Variants in BEND5 observed in about 807,000 individuals in gnomAD.
BEND5 encodes the protein BEN domain containing 5.
Under a neutral mutation model 43.9 loss-of-function variants are expected in BEND5, and 22 were observed. The observed-to-expected ratio is 0.50, with a 90% CI of 0.36 to 0.72. The LOEUF is 0.72. Ranked by LOEUF, BEND5 falls within the 30% of genes least tolerant of loss-of-function variation. The probability of loss-of-function intolerance (pLI) is 0.00; values close to 1 mark genes in which losing one functional copy is unlikely to be tolerated. For synonymous variants in BEND5, 228 were observed against 225.9 expected (o/e 1.01, Z -0.08); for missense variants, 428 against 550.6 (o/e 0.78, Z 2.23).
rs747657670 is a variant in BEND5, at chr1:48,758,956, T to A, written c.689A>T (p.Glu230Val). ...EYGALVSEMK[E>V]LRDLNRRLQD... The stretch of plus-strand genomic sequence containing the variant: ...GAGCCTCCGGTTAAGGTCACGGAGC[T>A]CCTTCATTTCAGACACAAGTGCCCC... The change falls in exon 3 of 6, where the codon GAG (glutamate) becomes GTG (valine). Residue 230 changes from glutamate (E) to valine (V), a missense_variant. Physicochemically the swap from Glu to Val is moderately radical, Grantham distance 121 (BLOSUM62 -2). Around this residue, in one of 4 missense-constraint regions of BEND5, gnomAD observed 243 missense variants for 286.4 expected, o/e 0.85. Coordinates refer to ENST00000371833, the MANE Select transcript of BEND5 (RefSeq NM_024603.4). 2.4e-5 allele frequency: 39 copies of A among 1,600,354 alleles called. No individual in the cohort carries two copies. The highest frequency in any genetic ancestry group is 2.3e-4 in the Admixed American group (13 of 57,592).
intron 3 of BEND5, 34 bp from the exon 4 acceptor site, chr1:48,742,805 T>G (rs768089452): frequency 6.8e-7 from 1 of 1,474,894 alleles, no homozygotes. Flanking sequence ...TGTCTAGAAC[T>G]CCAAGGAAAA....
At chr1:48,733,472 T>C (rs763633725) in intron 5 of BEND5, among the ~76,000 whole-genome samples, 1 of 152,322 alleles carries the variant, frequency 6.6e-6, no homozygotes, top group South Asian at 2.1e-4. Context: ...ATCTCTTTGA[T>C]TGATGCGAAC....
intron 4 of BEND5, among the ~76,000 whole-genome samples, chr1:48,737,890 C>T (rs1017222736): frequency 3.9e-5 from 6 of 152,086 alleles, no homozygotes; most frequent in African/African-American, 1.2e-4. Flanking sequence ...GCGGCAGCTG[C>T]TAATGAGCTA....
chr1:48,761,549 A>C, intron 1 of BEND5, 79 bp from the exon 2 acceptor site: 1 of 1,393,926 alleles, frequency 7.2e-7, no homozygotes, highest in Non-Finnish European at 9.6e-7. Context: ...CAAAACCTCA[A>C]ATGCTAGAAA....
chr1:48,736,487 C>T lies in BEND5; in HGVS notation c.895-35G>A. 6.3e-7 allele frequency: 1 copy of T among 1,583,164 alleles called. No individual in the cohort carries two copies. The highest frequency in any genetic ancestry group is 8.7e-7 in the Non-Finnish European group (1 of 1,153,046). ...ATAAGAACACCAGCACCTGTTTAGT[C>T]CGACAGGAGGGCAGTGGGAGGCTTC... On this transcript the variant is annotated intron_variant, in intron 4 of 5. Transcript: ENST00000371833. This position sits in a 1 kb window ranked among gnomAD's most constrained non-coding sequence, Gnocchi z 4.0.
At chr1:48,760,624 A>G (rs1644208179) in intron 2 of BEND5, among the ~76,000 whole-genome samples, 1 of 152,230 alleles carries the variant, frequency 6.6e-6, no homozygotes, top group Non-Finnish European at 1.5e-5. Context: ...CCAGGCGCAT[A>G]GCAGGAGTAC....
At chr1:48,733,131 G>C (rs763637427) in intron 5 of BEND5, among the ~76,000 whole-genome samples, 12 of 152,154 alleles carry the variant, frequency 7.9e-5, no homozygotes, top group Non-Finnish European at 7.3e-5. Context: ...GCCTGCATGT[G>C]AAAGAAGGGA....
intron 3 of BEND5, among the ~76,000 whole-genome samples, chr1:48,743,659 CCT>C (rs1411444255): frequency 2.0e-5 from 3 of 152,206 alleles, no homozygotes; most frequent in African/African-American, 7.2e-5. Flanking sequence ...ACAGCAGCTC[CCT>C]CTGTCTGTGC....
intron 2 of BEND5, 113 bp downstream of exon 2, chr1:48,761,224 T>C: frequency 8.5e-7 from 1 of 1,172,736 alleles, no homozygotes; most frequent in South Asian, 1.7e-5. Context: ...AATCATAGCC[T>C]GTGATACCAG....
intron 1 of BEND5, among the ~76,000 whole-genome samples, chr1:48,763,527 A>G (rs1399465843): frequency 6.6e-6 from 1 of 152,044 alleles, no homozygotes; most frequent in Non-Finnish European, 1.5e-5. Flanking sequence ...AAAGAGAGAG[A>G]GACGATGAGG....
intron 4 of BEND5, among the ~76,000 whole-genome samples, chr1:48,741,598 G>A (rs910978977): frequency 5.9e-5 from 9 of 152,200 alleles, no homozygotes; most frequent in African/African-American, 9.7e-5. Flanking sequence ...AAACTAATAC[G>A]TTTCATTTCC....
At chr1:48,760,048 T>C (rs553469463) in intron 2 of BEND5, among the ~76,000 whole-genome samples, 4 of 152,264 alleles carry the variant, frequency 2.6e-5, no homozygotes, top group African/African-American at 7.2e-5. Flanking sequence ...TAGGGTCACA[T>C]AGTGAGATAC....
At chr1:48,752,799 G>T (rs1424410689) in intron 3 of BEND5, among the ~76,000 whole-genome samples, 2 of 152,062 alleles carry the variant, frequency 1.3e-5, no homozygotes, top group Non-Finnish European at 2.9e-5. Context: ...CGCCAGGCTG[G>T]AGTGCAGTGG....
intron 1 of BEND5, among the ~76,000 whole-genome samples, chr1:48,769,719 T>G (rs138830507): frequency 1.2e-3 from 177 of 152,290 alleles, no homozygotes; most frequent in African/African-American, 4.2e-3. Flanking sequence ...GTTATCTATA[T>G]TTAATGAGAA....
chr1:48,734,322 T>C (rs979151467), intron 5 of BEND5, among the ~76,000 whole-genome samples: 16 of 152,178 alleles, frequency 1.1e-4, no homozygotes, highest in Admixed American at 2.6e-4. Context: ...GCTTACCCTA[T>C]GTCCTGCCAC....
chr1:48,735,094 G>C (rs1048206892), intron 5 of BEND5, among the ~76,000 whole-genome samples: 1 of 152,296 alleles, frequency 6.6e-6, no homozygotes, highest in Admixed American at 6.5e-5. Context: ...GTTGCTATGA[G>C]GATAATGAGT....
intron 5 of BEND5, among the ~76,000 whole-genome samples, chr1:48,733,322 A>G (rs1410178177): frequency 6.6e-6 from 1 of 152,158 alleles, no homozygotes; most frequent in African/African-American, 2.4e-5. Context: ...GCCCAGATGG[A>G]GAGAATCACC....
At chr1:48,728,118 A>G (rs1647467706) in intron 5 of BEND5, 75 bp from the exon 6 acceptor site, 1 of 1,347,086 alleles carries the variant, frequency 7.4e-7, no homozygotes, top group African/African-American at 1.5e-5. Context: ...GGGTAAAAGA[A>G]AATGTACCTC....
At chr1:48,769,828 T>C (rs1644723133) in intron 1 of BEND5, among the ~76,000 whole-genome samples, 1 of 152,198 alleles carries the variant, frequency 6.6e-6, no homozygotes, top group South Asian at 2.1e-4. Flanking sequence ...AACTCAGAGA[T>C]GTGAAGTAAT....
Sources: allele counts gnomAD v4.1 joint callset (sites outside exome capture counted in the v4.1 genomes callset), GRCh38; gene constraint gnomAD v4.1.1; regional missense constraint gnomAD v4.1.1; non-coding constraint Gnocchi (gnomAD v3.1); transcripts MANE v1.5; gene names NCBI Gene and HGNC (gene_info 2026-07-23, HGNC 2026-07-21).